The following CFDP1 variants were observed in gnomAD, a reference collection of about 807,000 sequenced individuals.
CFDP1 encodes the protein heterochromatin-stabilizing protein CFDP1.
A neutral mutation model predicts 40.1 loss-of-function variants in CFDP1; 31 were observed. The observed-to-expected ratio is 0.77, with a 90% confidence interval of 0.58 to 1.04. The LOEUF (loss-of-function observed/expected upper bound fraction) is 1.04. Among genes scored for constraint, CFDP1 ranks in the 50% least tolerant of loss-of-function variants. CFDP1 has a pLI of 0.00. For synonymous variants in CFDP1, 167 were observed against 120.0 expected (o/e 1.39, Z -2.56); for missense variants, 423 against 343.4 (o/e 1.23, Z -1.83).
In CFDP1 at chr16:75,305,037, G is replaced by A; in HGVS notation, c.796C>T (p.Arg266Ter). ...ACTCCTTCTTACCCCTCTTTCCCTCGATTATGGATGGCCAGTTCTTCACCA... is the reference window on the plus strand; with the variant it reads ...ACTCCTTCTTACCCCTCTTTCCCTCAATTATGGATGGCCAGTTCTTCACCA... ...GIGEELAIHNRGKEGYIERKA... is the reference protein window; with the variant it reads ...GIGEELAIHN Residue 266 changes from arginine to a stop codon, truncating the protein, a stop_gained, in exon 6 of 7, where the codon CGA (arginine) becomes TGA (stop). Transcript: ENST00000283882. LOFTEE classifies it high-confidence loss of function. 1 of 1,613,848 alleles carries A rather than the reference G, an allele frequency of 6.2e-7. No homozygotes were observed. Among genetic ancestry groups the A allele is most frequent in the Non-Finnish European group, 8.5e-7 (1 of 1,179,924 alleles).
At chr16:75,323,980 A>G (rs2078385006) in intron 5 of CFDP1, among the ~76,000 whole-genome samples, 1 of 152,246 alleles carries the variant, frequency 6.6e-6, no homozygotes, top group Non-Finnish European at 1.5e-5. Flanking sequence ...AGTAAAATGA[A>G]GATAATAAGA....
intron 5 of CFDP1, chr16:75,362,883 C>T (rs2078688911): frequency 6.6e-6 from 1 of 152,190 alleles, no homozygotes; most frequent in Non-Finnish European, 1.5e-5. Flanking sequence ...ACCTCAATGG[C>T]TGCAGCAGAA....
At chr16:75,380,502 G>A (rs1358300321) in intron 5 of CFDP1, among the ~76,000 whole-genome samples, 2 of 151,054 alleles carry the variant, frequency 1.3e-5, no homozygotes, top group East Asian at 3.9e-4. Context: ...TAGAGAACTA[G>A]AACTAAGGCT....
intron 5 of CFDP1, among the ~76,000 whole-genome samples, chr16:75,367,021 G>A (rs1202983788): frequency 6.6e-6 from 1 of 151,768 alleles, no homozygotes; most frequent in East Asian, 1.9e-4. Context: ...AAAATTAGCT[G>A]GGTGTGGTGG....
intron 5 of CFDP1, among the ~76,000 whole-genome samples, chr16:75,393,039 A>C (rs2078965573): frequency 6.6e-6 from 1 of 152,218 alleles, no homozygotes; most frequent in Admixed American, 6.5e-5. Flanking sequence ...GTGCCATGAT[A>C]CATGCTGAGA....
intron 5 of CFDP1, chr16:75,379,703 A>C (rs1035105100): frequency 2.0e-5 from 3 of 152,232 alleles, no homozygotes; most frequent in Non-Finnish European, 4.4e-5. Flanking sequence ...GTCAATGTAA[A>C]TATCCCAGTT....
chr16:75,296,873 T>C lies in CFDP1; in HGVS notation c.810-2831A>G, dbSNP rs534346402. ...ACGGCCTTGGTTTACTGCCAAGAGC[T>C]GACCATGAACAAAACTACTTGATAT... On this transcript the variant is annotated intron_variant, in intron 6 of 6. Coordinates refer to ENST00000283882, the MANE Select transcript of CFDP1 (RefSeq NM_006324.3). Among the ~76,000 whole-genome samples the C allele has an allele frequency of 1.0e-3, 156 of 152,316 alleles. 1 individual carries two copies. Among genetic ancestry groups the C allele is most frequent in the African/African-American group, 3.4e-3 (142 of 41,564 alleles).
At chr16:75,432,765 A>G (rs2151611963) in intron 1 of CFDP1, among the ~76,000 whole-genome samples, 1 of 152,332 alleles carries the variant, frequency 6.6e-6, no homozygotes, top group Non-Finnish European at 1.5e-5. Flanking sequence ...GTTCGGGTTG[A>G]GATCCCTAAG....
chr16:75,366,133 G>A (rs974860992), intron 5 of CFDP1, among the ~76,000 whole-genome samples: 1 of 152,216 alleles, frequency 6.6e-6, no homozygotes, highest in Admixed American at 6.5e-5. Flanking sequence ...ACAACACAAT[G>A]TCCATCAACT....
At chr16:75,396,752 T>C (rs1258253220) in intron 4 of CFDP1, among the ~76,000 whole-genome samples, 2 of 144,668 alleles carry the variant, frequency 1.4e-5, no homozygotes, top group Admixed American at 7.3e-5. Flanking sequence ...TTATGGTACC[T>C]GAGAATTCAG....
At chr16:75,388,144 A>C (rs534312369) in intron 5 of CFDP1, among the ~76,000 whole-genome samples, 1 of 152,318 alleles carries the variant, frequency 6.6e-6, no homozygotes, top group South Asian at 2.1e-4. Flanking sequence ...TGTAACTTCA[A>C]CAAGTTAAGG....
chr16:75,398,564 TG>T (rs2079018562), intron 4 of CFDP1, among the ~76,000 whole-genome samples: 1 of 152,238 alleles, frequency 6.6e-6, no homozygotes, highest in Admixed American at 6.5e-5. Context: ...TCTGTCTGTC[TG>T]TCTGTCCCTG....
At chr16:75,407,360 G>C (rs960691026) in intron 4 of CFDP1, among the ~76,000 whole-genome samples, 2 of 152,036 alleles carry the variant, frequency 1.3e-5, no homozygotes, top group Admixed American at 1.3e-4. Flanking sequence ...AGAATGTTTT[G>C]AATTGTATTT....
At position 75,411,934 on chromosome 16, in the gene CFDP1, C is replaced by G; in HGVS notation, c.421G>C (p.Glu141Gln). ...TQVKKGEETEETSSSKLLVKA... is the reference protein window; with the variant it reads ...TQVKKGEETEQTSSSKLLVKA... ...ACCAACAATTTACTTGAACTTGTCT[C>G]TTCAGTCTCCTCTCCTTTCTATAAA... Residue 141 changes from glutamate to glutamine, a missense_variant, in exon 4 of 7, where the codon GAG (glutamate) becomes CAG (glutamine). By Grantham distance (29) the Glu-to-Gln change is conservative. Transcript: ENST00000283882. 3 of 1,607,828 alleles carry G rather than the reference C, an allele frequency of 1.9e-6. No homozygotes were observed. Among genetic ancestry groups the G allele is most frequent in the Middle Eastern group, 1.7e-4 (1 of 6,038 alleles).
At chr16:75,342,992 C>T (rs2078537105) in intron 5 of CFDP1, among the ~76,000 whole-genome samples, 1 of 152,122 alleles carries the variant, frequency 6.6e-6, no homozygotes, top group African/African-American at 2.4e-5. Flanking sequence ...CCAATGGGGT[C>T]ACTGGAGATC....
intron 5 of CFDP1, among the ~76,000 whole-genome samples, chr16:75,344,466 A>G (rs1292345609): frequency 6.6e-6 from 1 of 152,222 alleles, no homozygotes; most frequent in Non-Finnish European, 1.5e-5. Context: ...ATAATGGTAC[A>G]ATTCGTGACT....
At chr16:75,414,314 G>GTAAAC (rs2079186280) in intron 2 of CFDP1, among the ~76,000 whole-genome samples, 1 of 152,128 alleles carries the variant, frequency 6.6e-6, no homozygotes, top group Non-Finnish European at 1.5e-5. Context: ...TAGGAACAGG[G>GTAAAC]TAAACATCTT....
rs143567077 is a variant in CFDP1 at position 75,318,548 on chromosome 16, G to A, written c.651-13366C>T. Among the ~76,000 whole-genome samples the A allele has an allele frequency of 1.5e-4, 23 of 152,054 alleles. No homozygotes were observed. In the East Asian group the frequency reaches 4.5e-3, roughly 30 times the overall value. On this transcript the variant is annotated intron_variant, in intron 5 of 6. Coordinates refer to ENST00000283882, the MANE Select transcript of CFDP1 (RefSeq NM_006324.3). The stretch of plus-strand genomic sequence containing the variant: ...AGCCTCCCCAGCAGCTGGGACTACA[G>A]GTGCATGCTGCCATGCCTAGCTAAT...
intron 5 of CFDP1, among the ~76,000 whole-genome samples, chr16:75,314,174 C>A (rs546600793): frequency 2.0e-5 from 3 of 152,144 alleles, no homozygotes; most frequent in Admixed American, 6.5e-5. Context: ...CGTGAGCCAT[C>A]GCACCTGGCC....
Sources: gnomAD v4.1 joint callset for allele counts (sites outside exome capture counted in the v4.1 genomes callset) on GRCh38, gnomAD v4.1.1 for gene constraint, MANE v1.5 for transcripts, NCBI Gene and HGNC (gene_info 2026-07-23, HGNC 2026-07-21) for gene names.